Variants in TANC1 observed in about 807,000 individuals in gnomAD.
TANC1 encodes protein TANC1.
Under a neutral mutation model 149.7 loss-of-function variants are expected in TANC1, and 77 were observed. The ratio of observed to expected loss-of-function variants is 0.51; its 90% CI spans 0.43 to 0.62. TANC1 has a LOEUF of 0.62. Ranked by LOEUF, TANC1 falls within the 20% of genes least tolerant of loss-of-function variation. The probability of loss-of-function intolerance (pLI) is 0.00; values close to 1 mark genes in which losing one functional copy is unlikely to be tolerated. For missense variants in TANC1, 1,985 were observed against 2,321.8 expected (o/e 0.85, Z 2.98); for synonymous variants, 854 against 925.0 (o/e 0.92, Z 1.39).
chr2:159,224,553 G>A (rs2150968552), intron 23 of TANC1, 189 bp downstream of exon 23: 1 of 669,130 alleles, frequency 1.5e-6, no homozygotes, highest in Non-Finnish European at 2.5e-6. Context: ...TTTCTGCGGG[G>A]AGGGTGTGGA....
intron 4 of TANC1, among the ~76,000 whole-genome samples, chr2:159,112,982 G>A (rs1388357649): frequency 7.9e-5 from 12 of 151,842 alleles, no homozygotes; most frequent in Non-Finnish European, 4.4e-5. Flanking sequence ...GTCTTGCTGT[G>A]TCACCCAGGC....
At chr2:159,048,568 C>T (rs1418099254) in intron 2 of TANC1, among the ~76,000 whole-genome samples, 1 of 152,148 alleles carries the variant, frequency 6.6e-6, no homozygotes, top group Non-Finnish European at 1.5e-5. Flanking sequence ...TACATGAGCC[C>T]TCTTTTTTTA....
rs1406648817 is a variant in TANC1, at chr2:159,094,785, T to TGGG, written c.62-2849_62-2847dup. Among the ~76,000 whole-genome samples the TGGG allele has an allele frequency of 7.0e-3, 409 of 58,548 alleles. 1 individual carries two copies. Among genetic ancestry groups the TGGG allele is most frequent in the African/African-American group, 0.034 (378 of 10,966 alleles). The allele number at this position is 58,548 out of a possible 152,430, so 38.4% of individuals were successfully genotyped here. Reference sequence around the variant, plus strand: ...AGCTTGTGTGTGTGTGGGGGGGGGGTGGGGGCCAGCCTGGGGGCCACTGCT... The same window carrying TGGG: ...AGCTTGTGTGTGTGTGGGGGGGGGGTGGGGGGGGCCAGCCTGGGGGCCACTGCT... On this transcript the variant is annotated intron_variant, in intron 3 of 26. Transcript: ENST00000263635.
chr2:159,206,171 G>T (rs1313589190), intron 19 of TANC1, among the ~76,000 whole-genome samples: 1 of 152,214 alleles, frequency 6.6e-6, no homozygotes, highest in Admixed American at 6.5e-5. Context: ...ATCCTGAAAG[G>T]AGCAAGATGG....
At chr2:159,045,478 A>ATACATAAAATTAGT (rs543011019) in intron 2 of TANC1, among the ~76,000 whole-genome samples, 251 of 152,316 alleles carry the variant, frequency 1.6e-3, no homozygotes, top group African/African-American at 5.7e-3. Flanking sequence ...AGTTTAAAGG[A>ATACATAAAATTAGT]TACATAAAAT....
At chr2:159,009,324 C>T (rs2037530324) in intron 2 of TANC1, among the ~76,000 whole-genome samples, 1 of 152,152 alleles carries the variant, frequency 6.6e-6, no homozygotes, top group African/African-American at 2.4e-5. Flanking sequence ...ATGTTTATTG[C>T]AGCCCTGTTC....
In TANC1 at chr2:159,169,255, A is replaced by C. The variant is rs1364560425; in HGVS notation, c.952A>C (p.Ser318Arg). Residue 318 changes from serine (S) to arginine (R), a missense_variant, in exon 9 of 27, where the codon AGC becomes CGC. Physicochemically the swap from Ser to Arg is moderately radical, Grantham distance 110. This residue lies in a region of TANC1 where 557 missense variants were observed against 612.9 expected (regional missense o/e 0.91). Transcript: ENST00000263635. ...ACTTCAGTTTAATATTACAGCAACA[A>C]GCTCAACCAAATTGGAAGATCTGAG... is the stretch of plus-strand genomic sequence containing the variant. ...MPRPNSVAAT[S>R]STKLEDLSYL... 6.2e-7 allele frequency: 1 copy of C among 1,613,578 alleles called. No individual in the cohort carries two copies. Among genetic ancestry groups the C allele is most frequent in the African/African-American group, 1.3e-5 (1 of 74,924 alleles).
In TANC1 at chr2:159,132,672, T is replaced by C. The variant is rs543243764; in HGVS notation, c.260-3522T>C. ...CCCAGCTAATTTTTTTTTTTTTTTT[T>C]TTTTTAAGTAGAGATGGGGTTTCAC... On this transcript the variant is annotated intron_variant, in intron 4 of 26. Transcript: ENST00000263635. Among the ~76,000 whole-genome samples the C allele has an allele frequency of 1.9e-4, 28 of 150,840 alleles. 1 individual carries two copies. In the South Asian group the frequency reaches 5.9e-3, roughly 32 times the overall value.
At chr2:159,054,456 A>G (rs1406559028) in intron 2 of TANC1, among the ~76,000 whole-genome samples, 1 of 152,128 alleles carries the variant, frequency 6.6e-6, no homozygotes, top group Non-Finnish European at 1.5e-5. Flanking sequence ...TCCTAATGAA[A>G]TTAGGGCCTG....
At chr2:159,094,903 C>T (rs374793873) in intron 3 of TANC1, among the ~76,000 whole-genome samples, 4 of 151,948 alleles carry the variant, frequency 2.6e-5, no homozygotes, top group Admixed American at 1.3e-4. Flanking sequence ...GCATGAATGT[C>T]CTTATTTTTG....
intron 11 of TANC1, 65 bp from the exon 12 acceptor site, chr2:159,174,888 T>C: frequency 7.9e-7 from 1 of 1,266,502 alleles, no homozygotes; most frequent in Non-Finnish European, 1.1e-6. Context: ...GTGTTCCTGT[T>C]TGAGATTGCA....
intron 19 of TANC1, among the ~76,000 whole-genome samples, chr2:159,204,706 G>A (rs6754390): frequency 3.9e-5 from 6 of 152,056 alleles, no homozygotes; most frequent in Non-Finnish European, 8.8e-5. Flanking sequence ...ATCGGAGTTG[G>A]TTAAAAGTGT....
At chr2:159,126,828 A>G (rs1224446524) in intron 4 of TANC1, among the ~76,000 whole-genome samples, 1 of 152,258 alleles carries the variant, frequency 6.6e-6, no homozygotes, top group Non-Finnish European at 1.5e-5. Context: ...TCGAGAGTTC[A>G]GTCATGTCTG....
intron 3 of TANC1, among the ~76,000 whole-genome samples, chr2:159,082,728 G>A (rs370818690): frequency 1.3e-5 from 2 of 152,192 alleles, no homozygotes; most frequent in South Asian, 4.1e-4. Flanking sequence ...AGGCCTGAAT[G>A]CAGGGACCTA....
chr2:158,976,116 G>A (rs562091051), intron 1 of TANC1, among the ~76,000 whole-genome samples: 2 of 152,324 alleles, frequency 1.3e-5, no homozygotes, highest in South Asian at 4.1e-4. Context: ...TTACAGGTGT[G>A]AGCCACTGTG....
chr2:159,000,622 G>T (rs1361948569), intron 1 of TANC1, among the ~76,000 whole-genome samples: 1 of 152,030 alleles, frequency 6.6e-6, no homozygotes, highest in Non-Finnish European at 1.5e-5. Flanking sequence ...AAAATTGAGG[G>T]TGCGGCAAGG....
At chr2:159,179,292 G>A (rs186678404) in intron 14 of TANC1, 129 bp downstream of exon 14, 3 of 1,294,422 alleles carry the variant, frequency 2.3e-6, no homozygotes, top group African/African-American at 3.0e-5. Context: ...TTACTGCTTT[G>A]TTTTATTATT....
intron 1 of TANC1, among the ~76,000 whole-genome samples, chr2:158,979,547 A>C (rs1278523339): frequency 1.3e-5 from 2 of 152,098 alleles, no homozygotes; most frequent in Non-Finnish European, 2.9e-5. Context: ...AAAGATGGGA[A>C]TCTGTGGGGC....
intron 3 of TANC1, among the ~76,000 whole-genome samples, chr2:159,080,608 T>G (rs1441659600): frequency 6.6e-6 from 1 of 152,166 alleles, no homozygotes; most frequent in African/African-American, 2.4e-5. Flanking sequence ...TGAATAAAGT[T>G]GGAAAAAGAA....
Sources: gnomAD v4.1 joint callset for allele counts (sites outside exome capture counted in the v4.1 genomes callset) on GRCh38, gnomAD v4.1.1 for gene constraint, gnomAD v4.1.1 regional missense constraint, MANE v1.5 for transcripts, NCBI Gene and HGNC (gene_info 2026-07-23, HGNC 2026-07-21) for gene names.